AAK1: variants seen among roughly 807,000 people sequenced by gnomAD.
AAK1 encodes AP2 associated kinase 1.
Under a neutral mutation model 116.0 loss-of-function variants are expected in AAK1, and 37 were observed. That is an observed-to-expected ratio of 0.32 (90% CI 0.25 to 0.42). The LOEUF is 0.42. AAK1 is among the 10% of genes least tolerant of loss of function. AAK1 has a pLI of 1.00. For synonymous variants in AAK1, 458 were observed against 439.9 expected (o/e 1.04, Z -0.51); for missense variants, 919 against 1,170.6 (o/e 0.79, Z 3.14).
chr2:69,607,240 G>C (rs551850460), intron 2 of AAK1, among the ~76,000 whole-genome samples: 2 of 152,072 alleles, frequency 1.3e-5, no homozygotes, highest in Non-Finnish European at 2.9e-5. Flanking sequence ...GCAGAGCATG[G>C]GGCTATTTGG....
rs1381292331 is a variant in AAK1 at position 69,471,495 on chromosome 2, G to A, written c.*4374C>T. ...GCAGTATCTGGAGTGTTTCAGGAAAGCTTCCATTCTAAATATTCATGTGAT... is the reference window on the plus strand; with the variant it reads ...GCAGTATCTGGAGTGTTTCAGGAAAACTTCCATTCTAAATATTCATGTGAT... On this transcript the variant is annotated 3_prime_UTR_variant, in exon 22 of 22. Coordinates refer to ENST00000409085, the MANE Select transcript of AAK1 (RefSeq NM_014911.5). The A allele has an allele frequency of 8.1e-6, 8 of 985,292 alleles. No individual in the cohort carries two copies. In the Admixed American group the frequency reaches 4.9e-4, roughly 61 times the overall value. 61.0% of individuals were successfully genotyped at this position (985,292 alleles called of 1,614,324 possible).
chr2:69,514,838 C>T (rs1174511304), intron 12 of AAK1, 89 bp from the exon 13 acceptor site: 3 of 1,415,862 alleles, frequency 2.1e-6, no homozygotes, highest in Non-Finnish European at 2.8e-6. Flanking sequence ...AAGACCAGTG[C>T]TAAAGCCAAA....
At chr2:69,524,682 C>T (rs1669943907) in intron 10 of AAK1, among the ~76,000 whole-genome samples, 1 of 152,096 alleles carries the variant, frequency 6.6e-6, no homozygotes, top group South Asian at 2.1e-4. Flanking sequence ...ATCTACCCTC[C>T]TAGGCCTCCC....
chr2:69,636,803 G>A (rs60300730), intron 2 of AAK1, among the ~76,000 whole-genome samples: 4,699 of 151,836 alleles, frequency 0.031, 243 homozygotes, highest in African/African-American at 0.11. Context: ...GGATTCAAGC[G>A]ATTCTGCTGC....
intron 3 of AAK1, among the ~76,000 whole-genome samples, chr2:69,554,789 A>C (rs1176976916): frequency 1.3e-5 from 2 of 152,236 alleles, no homozygotes. Flanking sequence ...TTTTGTAACA[A>C]GCTTAGTTCA....
intron 2 of AAK1, among the ~76,000 whole-genome samples, chr2:69,640,014 A>AAC (rs376034914): frequency 0.041 from 4,255 of 103,688 alleles, 96 homozygotes; most frequent in Non-Finnish European, 0.046. Context: ...ACTCCCCTTT[A>AAC]ACACACACAC....
Position 69,509,347 on chromosome 2 carries a change from A to C in AAK1, c.1890T>G (p.Ala630=). Residue 630 remains alanine, a synonymous_variant, in exon 14 of 22, where the codon GCT becomes GCG. Transcript: ENST00000409085. ...TPPSSPKTQR[A]GHRRILSDVT... is the part of the protein sequence containing the mutation. ...CGTCACTGAGAATACGCCTGTGCCC[A>C]GCACGTTGGGTTTTGGGGGATGAGG... 6.2e-7 allele frequency: 1 copy of C among 1,614,030 alleles called. No homozygotes were observed. Among genetic ancestry groups the C allele is most frequent in the Non-Finnish European group, 8.5e-7 (1 of 1,179,886 alleles).
At chr2:69,636,358 T>C (rs887096080) in intron 2 of AAK1, among the ~76,000 whole-genome samples, 5 of 152,238 alleles carry the variant, frequency 3.3e-5, no homozygotes, top group Non-Finnish European at 5.9e-5. Context: ...GTTGAGATTA[T>C]TTAAAATATA....
In AAK1 at chr2:69,506,639, C is replaced by T. The variant is rs998946487; in HGVS notation, c.2164+782G>A. Among the ~76,000 whole-genome samples, 5 of 152,122 alleles carry T rather than the reference C, an allele frequency of 3.3e-5. No individual in the cohort carries two copies. In the South Asian group the frequency reaches 6.2e-4, roughly 19 times the overall value. On this transcript the variant is annotated intron_variant, in intron 15 of 21. Transcript: ENST00000409085. ...CTCAGCCTCCCAAAGTACTGGGTTA[C>T]GGGCGTGAGCCACCACACCTGGATT...
At position 69,476,550 on chromosome 2, in the gene AAK1, G is replaced by A. The variant is rs527247781; in HGVS notation, c.2791+330C>T. ...CTCTTTGGGAAAAATATTTATTATG[G>A]ATTATTCTAATCATGATAAAAAATG... On this transcript the variant is annotated intron_variant, in intron 21 of 21. Coordinates refer to ENST00000409085, the MANE Select transcript of AAK1 (RefSeq NM_014911.5). 3.3e-5 allele frequency among the ~76,000 whole-genome samples: 5 copies of A among 152,212 alleles called. No individual in the cohort carries two copies. In the South Asian group the frequency reaches 1.0e-3, roughly 32 times the overall value.
Position 69,459,757 on chromosome 2 carries a change from A to G in AAK1, c.*16112T>C, listed in dbSNP as rs1674295596. ...AGTGGGAACAGGAACAAGGGAGCTA[A>G]GCCAAGAGGACTTCCAGGGACTTGA... On this transcript the variant is annotated 3_prime_UTR_variant, in exon 22 of 22. Transcript: ENST00000409085. 6.6e-6 allele frequency: 1 copy of G among 152,244 alleles called. No homozygotes were observed. The highest frequency in any genetic ancestry group is 6.5e-5 in the Admixed American group (1 of 15,284). 9.4% of individuals were successfully genotyped at this position (152,244 alleles called of 1,614,324 possible). A position where few individuals can be genotyped will look rare whatever the true frequency, so the allele number is the denominator to read the frequency against.
rs182797109 is a variant in AAK1 at position 69,599,263 on chromosome 2, T to C, written c.164-42285A>G. The stretch of plus-strand genomic sequence containing the variant: ...ATTTCTTAAAAGTGACAGTGAATTA[T>C]AAGCTCATTAGTCCATAATAAGAAA... On this transcript the variant is annotated intron_variant, in intron 2 of 21. Coordinates refer to ENST00000409085, the MANE Select transcript of AAK1 (RefSeq NM_014911.5). 3.8e-3 allele frequency among the ~76,000 whole-genome samples: 571 copies of C among 152,124 alleles called. 5 individuals are homozygous for C. The highest frequency in any genetic ancestry group is 0.013 in the African/African-American group (552 of 41,488).
chr2:69,469,625 G>T lies in AAK1; in HGVS notation c.*6244C>A, dbSNP rs548363670. 2 of 985,450 alleles carry T rather than the reference G, an allele frequency of 2.0e-6. No individual in the cohort carries two copies. The highest frequency in any genetic ancestry group is 2.4e-6 in the Non-Finnish European group (2 of 829,948). 61.0% of individuals were successfully genotyped at this position (985,450 alleles called of 1,614,324 possible). ...CCATAGAGCTCAGTAAACACTGCCT[G>T]TTGTACCTCAGGGGCTAAAGCCCAG... is the stretch of plus-strand genomic sequence containing the variant. On this transcript the variant is annotated 3_prime_UTR_variant, in exon 22 of 22. Coordinates refer to ENST00000409085, the MANE Select transcript of AAK1 (RefSeq NM_014911.5).
At chr2:69,516,834 G>A (rs1676601997) in intron 12 of AAK1, 1 of 152,268 alleles carries the variant, frequency 6.6e-6, no homozygotes, top group Non-Finnish European at 1.5e-5. Context: ...GAAGTCAAGG[G>A]TTGTAGTATG....
rs1674833750 is a variant in AAK1 at position 69,475,791 on chromosome 2, A to G, written c.*78T>C. 2 of 1,504,640 alleles carry G rather than the reference A, an allele frequency of 1.3e-6. No homozygotes were observed. The highest frequency in any genetic ancestry group is 1.3e-5 in the South Asian group (1 of 79,020). The allele number at this position is 1,504,640 out of a possible 1,614,324, so 93.2% of individuals were successfully genotyped here. ...ATTTGCAGATTTTTTTAAAAAAATC[A>G]TTTTTTTCATAACTCCGTAATGAAA... is the stretch of plus-strand genomic sequence containing the variant. On this transcript the variant is annotated 3_prime_UTR_variant, in exon 22 of 22. Transcript: ENST00000409085.
chr2:69,615,027 A>T (rs1674259964), intron 2 of AAK1, among the ~76,000 whole-genome samples: 1 of 152,216 alleles, frequency 6.6e-6, no homozygotes, highest in Non-Finnish European at 1.5e-5. Context: ...TAAGCCACCC[A>T]GTTTGTGGTC....
chr2:69,559,520 G>A (rs959994098), intron 2 of AAK1, among the ~76,000 whole-genome samples: 3 of 152,110 alleles, frequency 2.0e-5, no homozygotes, highest in Non-Finnish European at 4.4e-5. Context: ...GTTCATAATT[G>A]TTTTGTAAAT....
chr2:69,502,818 CAT>C (rs1025772408), intron 16 of AAK1, among the ~76,000 whole-genome samples: 1 of 152,010 alleles, frequency 6.6e-6, no homozygotes, highest in African/African-American at 2.4e-5. Flanking sequence ...TGATTTAGCA[CAT>C]AGTCTCTTAG....
intron 16 of AAK1, among the ~76,000 whole-genome samples, chr2:69,501,007 C>G (rs1675960757): frequency 6.6e-6 from 1 of 151,912 alleles, no homozygotes; most frequent in African/African-American, 2.4e-5. Flanking sequence ...AAACATCGTG[C>G]CAAATTCTGG....
Sources: allele counts gnomAD v4.1 joint callset (sites outside exome capture counted in the v4.1 genomes callset), GRCh38; gene constraint gnomAD v4.1.1; transcripts MANE v1.5; gene names NCBI Gene and HGNC (gene_info 2026-07-23, HGNC 2026-07-21).